The following NBEAL2 variants were observed in gnomAD, a reference collection of about 807,000 sequenced individuals.
NBEAL2 encodes the protein neurobeachin-like protein 2.
A neutral mutation model predicts 299.8 loss-of-function variants in NBEAL2; 160 were observed. That is an observed-to-expected ratio of 0.53 (90% CI 0.47 to 0.61). The LOEUF is 0.61. Among genes scored for constraint, NBEAL2 ranks in the 20% least tolerant of loss-of-function variants. NBEAL2 has a pLI of 0.00. For missense variants in NBEAL2, 3,112 were observed against 3,649.0 expected, an observed-to-expected ratio of 0.85 and a Z score of 3.79; for synonymous variants, 1,493 against 1,542.3, an observed-to-expected ratio of 0.97 and a Z score of 0.75.
chr3:46,998,402 G>A lies in NBEAL2; in HGVS notation c.3119-61G>A. ...TCTGACAGGCACATGGCCCTGGCCT[G>A]GAGGATCTGAAGGGCCCAGCTCAGC... On this transcript the variant is annotated intron_variant, in intron 21 of 53. Coordinates refer to ENST00000450053, the MANE Select transcript of NBEAL2 (RefSeq NM_015175.3). 1.9e-6 allele frequency: 3 copies of A among 1,551,466 alleles called. No homozygotes were observed. The East Asian group carries it at 7.1e-5, about 36-fold the overall frequency.
chr3:47,007,077 T>A lies in NBEAL2; in HGVS notation c.7146T>A (p.Asp2382Glu). Residue 2382 changes from aspartate (D) to glutamate (E), a missense_variant, in exon 46 of 54, where the codon GAT (aspartate) becomes GAA (glutamate). Asp to Glu is a conservative substitution (Grantham distance 45, BLOSUM62 2). This residue lies in a region of NBEAL2 where 521 missense variants were observed against 729.6 expected (regional missense o/e 0.71). Coordinates refer to ENST00000450053, the MANE Select transcript of NBEAL2 (RefSeq NM_015175.3). The stretch of plus-strand genomic sequence containing the variant: ...CCTTGCCCCTGCAGGTTGTCAGTGA[T>A]GGTGTACCCCTGGTGCTAGCCCTGG... The part of the protein sequence containing the change: ...LKAFFAEVVS[D>E]GVPLVLALVP... 6.2e-7 allele frequency: 1 copy of A among 1,611,622 alleles called. No homozygotes were observed. The highest frequency in any genetic ancestry group is 8.5e-7 in the Non-Finnish European group (1 of 1,178,718).
chr3:47,002,195 C>G lies in NBEAL2; in HGVS notation c.5058C>G (p.Pro1686=), dbSNP rs754716966. The G allele has an allele frequency of 5.2e-6, 8 of 1,525,170 alleles. No individual in the cohort carries two copies. Among genetic ancestry groups the G allele is most frequent in the Admixed American group, 2.1e-5 (1 of 47,480 alleles). 94.5% of individuals were successfully genotyped at this position (1,525,170 alleles called of 1,614,324 possible). A position where few individuals can be genotyped will look rare whatever the true frequency, so the allele number is the denominator to read the frequency against. Residue 1686 remains proline (P), a synonymous_variant, in exon 31 of 54, where the codon CCC becomes CCG. Coordinates refer to ENST00000450053, the MANE Select transcript of NBEAL2 (RefSeq NM_015175.3). ...YEPLGLQWGL[P]SLPPTNGSPT... ...CGCTGGGGCTGCAGTGGGGACTGCCCTCCCTGCCACCCACCAATGGCAGCC... is the reference window on the plus strand; with the variant it reads ...CGCTGGGGCTGCAGTGGGGACTGCCGTCCCTGCCACCCACCAATGGCAGCC...
Position 46,995,566 on chromosome 3 carries a change from C to G in NBEAL2, c.1831C>G (p.Leu611Val). The G allele has an allele frequency of 6.2e-7, 1 of 1,612,826 alleles. No homozygotes were observed. The highest frequency in any genetic ancestry group is 8.5e-7 in the Non-Finnish European group (1 of 1,179,878). ...PGFTFHAWLC[L>V]HPMDTAPTPA... ...CTTCACCTTTCATGCCTGGCTCTGT[C>G]TGCACCCTATGGATACAGCACCTAC... is the stretch of plus-strand genomic sequence containing the variant. Residue 611 changes from leucine to valine, a missense_variant, in exon 13 of 54, where the codon CTG (leucine) becomes GTG (valine). This residue lies in a region of NBEAL2 where 2,243 missense variants were observed against 2,538.1 expected (regional missense o/e 0.88). Transcript: ENST00000450053.
intron 1 of NBEAL2, chr3:46,987,905 T>A (rs2035783731): frequency 1.0e-6 from 1 of 1,000,358 alleles, no homozygotes; most frequent in Non-Finnish European, 1.3e-6. Context: ...CCCTGCGGTC[T>A]GCCGGGAGGA....
chr3:46,999,084 G>A lies in NBEAL2; in HGVS notation c.3510G>A (p.Gly1170=), dbSNP rs1460950754. ...TACTGGCCCTGCTAGTGCGGCCAGG[G>A]TCACTGCCCCTGCTGCCCGATCGAG... ...EVLLALLVRP[G]SLPLLPDRVC... is the part of the protein sequence containing the mutation. Residue 1170 remains glycine (G), a synonymous_variant, in exon 24 of 54, where the codon GGG becomes GGA. Coordinates refer to ENST00000450053, the MANE Select transcript of NBEAL2 (RefSeq NM_015175.3). 4.4e-6 allele frequency: 7 copies of A among 1,589,066 alleles called. No homozygotes were observed. Among genetic ancestry groups the A allele is most frequent in the Non-Finnish European group, 6.0e-6 (7 of 1,168,406 alleles).
chr3:46,995,442 C>A lies in NBEAL2; in HGVS notation c.1707C>A (p.Ala569=). 1.2e-6 allele frequency: 2 copies of A among 1,612,868 alleles called. No homozygotes were observed. The highest frequency in any genetic ancestry group is 1.7e-6 in the Non-Finnish European group (2 of 1,179,890). The part of the protein sequence containing the change: ...GAVIRTLSGM[A]RHQGPARALR... Reference sequence around the variant, plus strand: ...TCATCCGCACATTATCAGGCATGGCCAGGCACCAGGGTCCTGCACGTGCTC... The same window carrying A: ...TCATCCGCACATTATCAGGCATGGCAAGGCACCAGGGTCCTGCACGTGCTC... Residue 569 remains alanine (A), a synonymous_variant, in exon 13 of 54, where the codon GCC becomes GCA. Coordinates refer to ENST00000450053, the MANE Select transcript of NBEAL2 (RefSeq NM_015175.3).
In NBEAL2 at chr3:47,002,122, C is replaced by G. The variant is rs777521564; in HGVS notation, c.4985C>G (p.Ser1662Cys). 4.5e-6 allele frequency: 7 copies of G among 1,550,804 alleles called. No individual in the cohort carries two copies. Among genetic ancestry groups the G allele is most frequent in the Non-Finnish European group, 6.1e-6 (7 of 1,147,110 alleles). ...GCTGCAGCAGCTGCAGAGCGCTGCT[C>G]CTGGCTGGTGCCACTGGTGCGCACG... Reference protein sequence around the residue: ...AAAAAAAERCSWLVPLVRTLL... With the variant: ...AAAAAAAERCCWLVPLVRTLL... Residue 1662 changes from serine (S) to cysteine (C), a missense_variant, in exon 31 of 54, where the codon TCC becomes TGC. Transcript: ENST00000450053.
In NBEAL2 at chr3:47,000,189, AGT is replaced by A; in HGVS notation, c.4093_4094del (p.Val1365ArgfsTer59). On this transcript the variant is annotated frameshift_variant, in exon 27 of 54. Transcript: ENST00000450053. LOFTEE classifies it high-confidence loss of function. This position sits in a 1 kb window ranked among gnomAD's most constrained non-coding sequence, Gnocchi z 4.5. ...CTTTGACCTGGGCCTGGAACGGTCT[AGT>A]GTAGGATCAGGCAACACTGCTGGTG... ...TPFDLGLERS[S>X]VGSGNTAGGG... The A allele has an allele frequency of 6.2e-7, 1 of 1,613,722 alleles. No homozygotes were observed. Among genetic ancestry groups the A allele is most frequent in the Non-Finnish European group, 8.5e-7 (1 of 1,179,860 alleles).
rs749997510 is a variant in NBEAL2 at position 46,999,765 on chromosome 3, C to T, written c.3789+50C>T. The T allele has an allele frequency of 1.3e-5, 21 of 1,594,456 alleles. No homozygotes were observed. In the African/African-American group the frequency reaches 2.4e-4, roughly 18 times the overall value. On this transcript the variant is annotated intron_variant, in intron 26 of 53. Transcript: ENST00000450053. The stretch of plus-strand genomic sequence containing the variant: ...GGGGGAGGGGGAGGGTGGCTTCTAC[C>T]CTCTGGCCTTCCACCTTGCCTGTCT...
rs980067639 is a variant in NBEAL2 at position 47,001,176 on chromosome 3, G to A, written c.4481G>A (p.Arg1494His). 1.4e-5 allele frequency: 23 copies of A among 1,610,094 alleles called. No individual in the cohort carries two copies. The highest frequency in any genetic ancestry group is 4.5e-5 in the East Asian group (2 of 44,824). Reference protein sequence around the residue: ...TLVRPPDCIKRSLLEMMLESA... With the variant: ...TLVRPPDCIKHSLLEMMLESA... Reference sequence around the variant, plus strand: ...GTGCGCCCACCAGACTGCATCAAGCGCAGGTGAGAGGGAAAGTCTGGAGGG... The same window carrying A: ...GTGCGCCCACCAGACTGCATCAAGCACAGGTGAGAGGGAAAGTCTGGAGGG... The change falls in exon 28 of 54, where the codon CGC (arginine) becomes CAC (histidine). Residue 1494 changes from arginine to histidine, a missense_variant. This residue lies in a region of NBEAL2 where 2,243 missense variants were observed against 2,538.1 expected (regional missense o/e 0.88). Transcript: ENST00000450053. The surrounding 1 kb of genome is among the most constrained non-coding windows in gnomAD (Gnocchi z 6.1).
Position 46,995,192 on chromosome 3 carries a change from G to T in NBEAL2, c.1457G>T (p.Arg486Leu), listed in dbSNP as rs574217510. ...RWLCDSCPAS[R>L]ATCVQAGLVG... ...CTCTGTGACAGCTGCCCTGCCAGCCGTGCCACCTGTGTGCAGGCAGGCCTG... is the reference window on the plus strand; with the variant it reads ...CTCTGTGACAGCTGCCCTGCCAGCCTTGCCACCTGTGTGCAGGCAGGCCTG... The change falls in exon 13 of 54, where the codon CGT (arginine) becomes CTT (leucine). Residue 486 changes from arginine (R) to leucine (L), a missense_variant. This residue lies in a region of NBEAL2 where 2,243 missense variants were observed against 2,538.1 expected (regional missense o/e 0.88). Coordinates refer to ENST00000450053, the MANE Select transcript of NBEAL2 (RefSeq NM_015175.3). 1 of 1,559,412 alleles carries T rather than the reference G, an allele frequency of 6.4e-7. No individual in the cohort carries two copies.
chr3:47,001,825 A>T lies in NBEAL2; in HGVS notation c.4781A>T (p.Gln1594Leu). Residue 1594 changes from glutamine (Q) to leucine (L), a missense_variant and splice_region_variant, in exon 30 of 54, where the codon CAG (glutamine) becomes CTG (leucine). Physicochemically the swap from Gln to Leu is moderately radical, Grantham distance 113. Transcript: ENST00000450053. This position sits in a 1 kb window ranked among gnomAD's most constrained non-coding sequence, Gnocchi z 6.1. ...GGCTACATCCTGCTGGAAGACCCAC[A>T]GGTGAGCACAGGGTGAGCATGGGGG... ...VLGYILLEDP[Q>L]LHAQAYVRLH... 1 of 1,613,648 alleles carries T rather than the reference A, an allele frequency of 6.2e-7. No homozygotes were observed. Among genetic ancestry groups the T allele is most frequent in the Non-Finnish European group, 8.5e-7 (1 of 1,179,810 alleles).
chr3:46,988,513 T>TCCCCTTCTCCACAC lies in NBEAL2; in HGVS notation c.52-153_52-140dup, dbSNP rs2035838936. On this transcript the variant is annotated intron_variant, in intron 1 of 53. Transcript: ENST00000450053. This position sits in a 1 kb window ranked among gnomAD's most constrained non-coding sequence, Gnocchi z 4.4. ...CTGCCCTCCCTCCCCCGTCCCCCAC[T>TCCCCTTCTCCACAC]CCCCTTCTCCACACCCTCCACTCTG... Among the ~76,000 whole-genome samples the TCCCCTTCTCCACAC allele has an allele frequency of 1.6e-4, 7 of 44,728 alleles. No homozygotes were observed. 29.3% of individuals were successfully genotyped at this position (44,728 alleles called of 152,430 possible).
Position 46,997,661 on chromosome 3 carries a change from G to A in NBEAL2, c.2925G>A (p.Gln975=), listed in dbSNP as rs758293847. 6.4e-7 allele frequency: 1 copy of A among 1,571,848 alleles called. No individual in the cohort carries two copies. Among genetic ancestry groups the A allele is most frequent in the Non-Finnish European group, 8.7e-7 (1 of 1,154,282 alleles). ...MVNQESLVQC[Q]GPAIIGALLR... is the part of the protein sequence containing the mutation. The stretch of plus-strand genomic sequence containing the variant: ...ACCAAGAGAGCCTGGTGCAGTGCCA[G>A]GGGCCTGCCATCATCGGGGCCCTCC... The change falls in exon 20 of 54, where the codon CAG becomes CAA. Residue 975 remains glutamine (Q), a synonymous_variant. Coordinates refer to ENST00000450053, the MANE Select transcript of NBEAL2 (RefSeq NM_015175.3).
Position 47,001,252 on chromosome 3 carries a change from C to T in NBEAL2, c.4485-27C>T. 6.2e-7 allele frequency: 1 copy of T among 1,601,734 alleles called. No individual in the cohort carries two copies. The highest frequency in any genetic ancestry group is 8.5e-7 in the Non-Finnish European group (1 of 1,171,050). ...GAAGGAGAGAAGATAGTCAGGTAGACCCTTGAGTTCCCCACTCACCCGCCA... is the reference window on the plus strand; with the variant it reads ...GAAGGAGAGAAGATAGTCAGGTAGATCCTTGAGTTCCCCACTCACCCGCCA... On this transcript the variant is annotated intron_variant, in intron 28 of 53. Transcript: ENST00000450053. The surrounding 1 kb of genome is among the most constrained non-coding windows in gnomAD (Gnocchi z 6.1).
chr3:47,001,442 C>T lies in NBEAL2; in HGVS notation c.4644+4C>T, dbSNP rs372096069. 3.7e-6 allele frequency: 6 copies of T among 1,610,834 alleles called. No homozygotes were observed. The highest frequency in any genetic ancestry group is 2.2e-5 in the South Asian group (2 of 90,906). On this transcript the variant is annotated splice_donor_region_variant and intron_variant, in intron 29 of 53. Coordinates refer to ENST00000450053, the MANE Select transcript of NBEAL2 (RefSeq NM_015175.3). This position sits in a 1 kb window ranked among gnomAD's most constrained non-coding sequence, Gnocchi z 6.1. ...CCAGGAACTGTGGAGTGAGAAGGTG[C>T]GACCCCTCAGAGAGGCGTGAGCCAC...
Position 47,001,644 on chromosome 3 carries a change from G to A in NBEAL2, c.4645-45G>A, listed in dbSNP as rs1461631286. 6.2e-7 allele frequency: 1 copy of A among 1,601,652 alleles called. No individual in the cohort carries two copies. Among genetic ancestry groups the A allele is most frequent in the South Asian group, 1.1e-5 (1 of 90,898 alleles). On this transcript the variant is annotated intron_variant, in intron 29 of 53. Transcript: ENST00000450053. The surrounding 1 kb of genome is among the most constrained non-coding windows in gnomAD (Gnocchi z 6.1). ...CTTTGCTCCCTTTCCATGGACTCCTGGCCTCCCCTGGTGATGTCTGTTGGG... is the reference window on the plus strand; with the variant it reads ...CTTTGCTCCCTTTCCATGGACTCCTAGCCTCCCCTGGTGATGTCTGTTGGG...
intron 24 of NBEAL2, 52 bp from the exon 25 acceptor site, chr3:46,999,263 C>T (rs1203800492): frequency 6.4e-7 from 1 of 1,567,904 alleles, no homozygotes; most frequent in Non-Finnish European, 8.7e-7. Flanking sequence ...GACTTCCCCT[C>T]CTACAGTAAC....
chr3:46,999,551 A>T, intron 25 of NBEAL2, 77 bp downstream of exon 25: 1 of 1,590,916 alleles, frequency 6.3e-7, no homozygotes, highest in South Asian at 1.1e-5. Context: ...GAAGGAAGAT[A>T]GTGGCATAGG....
Sources: gnomAD v4.1 joint callset for allele counts (sites outside exome capture counted in the v4.1 genomes callset) on GRCh38, gnomAD v4.1.1 for gene constraint, gnomAD v4.1.1 regional missense constraint, Gnocchi (gnomAD v3.1) non-coding constraint, MANE v1.5 for transcripts, NCBI Gene and HGNC (gene_info 2026-07-23, HGNC 2026-07-21) for gene names.